SLC35B2: variants seen among roughly 807,000 people sequenced by gnomAD.
SLC35B2 encodes adenosine 3'-phospho 5'-phosphosulfate transporter 1.
In SLC35B2, 19 loss-of-function variants were observed where a neutral mutation model predicts 37.9. The observed-to-expected ratio is 0.50, with a 90% confidence interval of 0.35 to 0.74. The LOEUF is 0.74. Ranked by LOEUF, SLC35B2 falls within the 30% of genes least tolerant of loss-of-function variation. The pLI is 0.01. For synonymous variants in SLC35B2, 277 were observed against 225.2 expected, an observed-to-expected ratio of 1.23 and a Z score of -2.06; for missense variants, 633 against 547.6, an observed-to-expected ratio of 1.16 and a Z score of -1.56.
chr6:44,256,546 A>G, intron 2 of SLC35B2, 50 bp from the exon 3 acceptor site: 1 of 1,613,474 alleles, frequency 6.2e-7, no homozygotes, highest in South Asian at 1.1e-5. Flanking sequence ...ATAGCACTTC[A>G]TCTTCCCCAG....
intron 1 of SLC35B2, chr6:44,257,114 C>G (rs1206277844): frequency 3.5e-6 from 2 of 572,776 alleles, no homozygotes; most frequent in Non-Finnish European, 5.9e-6. Flanking sequence ...CCACACAGGT[C>G]TCCTCTGTTC....
In SLC35B2 at chr6:44,255,402, G is replaced by GT. The variant is rs1561909021; in HGVS notation, c.602dup (p.Tyr201Ter). 15 of 1,614,232 alleles carry GT rather than the reference G, an allele frequency of 9.3e-6. No homozygotes were observed. Among genetic ancestry groups the GT allele is most frequent in the Non-Finnish European group, 1.3e-5 (15 of 1,180,042 alleles). Residue 201 changes from tyrosine (Y) to a stop codon, truncating the protein, a stop_gained and frameshift_variant, in exon 4 of 4, where the codon TAC becomes TAAC. Coordinates refer to ENST00000393812, the MANE Select transcript of SLC35B2 (RefSeq NM_178148.4). LOFTEE classifies it high-confidence loss of function. ...LSNVLSSWCQYEALKFVSFPT... is the reference protein window; with the variant it reads ...LSNVLSSWCQ ...GGAAGCTGACGAACTTAAGAGCTTC[G>GT]TATTGGCACCAGCTGCTAAGCACAT...
At chr6:44,255,757 C>T in intron 3 of SLC35B2, 113 bp from the exon 4 acceptor site, 2 of 1,049,610 alleles carry the variant, frequency 1.9e-6, no homozygotes, top group Non-Finnish European at 2.7e-6. Flanking sequence ...GGAAAATATA[C>T]ACTTTTTGGT....
chr6:44,254,549 T>G lies in SLC35B2; in HGVS notation c.*157A>C, dbSNP rs1716799800. ...GGTGACTTAAGGCAAAAGGGAAGGCTGCCTCCTGGGCTCCCCAATCCCCTG... is the reference window on the plus strand; with the variant it reads ...GGTGACTTAAGGCAAAAGGGAAGGCGGCCTCCTGGGCTCCCCAATCCCCTG... On this transcript the variant is annotated 3_prime_UTR_variant, in exon 4 of 4. Transcript: ENST00000393812. The G allele has an allele frequency of 4.8e-6, 4 of 828,442 alleles. No individual in the cohort carries two copies. In the Admixed American group the frequency reaches 8.5e-5, roughly 18 times the overall value. 51.3% of individuals were successfully genotyped at this position (828,442 alleles called of 1,614,324 possible).
upstream of SLC35B2, chr6:44,257,535 C>G: frequency 1.1e-6 from 1 of 930,332 alleles, no homozygotes; most frequent in Non-Finnish European, 1.4e-6. Flanking sequence ...AAGTGCCGCG[C>G]TCTTCCCGCC....
intron 1 of SLC35B2, 147 bp downstream of exon 1, chr6:44,257,253 G>A: frequency 6.4e-6 from 6 of 930,396 alleles, no homozygotes; most frequent in South Asian, 2.9e-5. Flanking sequence ...AAACCAAGCC[G>A]CAGCTCCCAT....
chr6:44,255,037 G>GC lies in SLC35B2; in HGVS notation c.967dup (p.Ala323GlyfsTer14), dbSNP rs755995982. ...CATGAAGCGGGTTCCCTCCAGTAGG[G>GC]CCCCCTGTTCTAGCAGTGAGCCCAC... On this transcript the variant is annotated frameshift_variant, in exon 4 of 4. Transcript: ENST00000393812. LOFTEE classifies it high-confidence loss of function. The GC allele has an allele frequency of 1.5e-5, 25 of 1,614,078 alleles. No homozygotes were observed. The highest frequency in any genetic ancestry group is 1.1e-5 in the Non-Finnish European group (13 of 1,180,030).
At chr6:44,257,641 C>T (rs1037558754), upstream of SLC35B2, 10 of 202,150 alleles carry the variant, frequency 4.9e-5, no homozygotes, top group Non-Finnish European at 7.5e-5. Flanking sequence ...GAGGCAGACG[C>T]GGCTTGGGTT....
intron 3 of SLC35B2, 83 bp downstream of exon 3, chr6:44,256,259 G>C (rs1781484236): frequency 1.3e-6 from 2 of 1,515,358 alleles, no homozygotes; most frequent in African/African-American, 1.4e-5. Flanking sequence ...GCAAAGCTCT[G>C]GGACTGGTAA....
At position 44,255,450 on chromosome 6, in the gene SLC35B2, C is replaced by T; in HGVS notation, c.555G>A (p.Arg185=). The stretch of plus-strand genomic sequence containing the variant: ...CATTGGACAGGCTGGCAAAGGAGTA[C>T]CGGTACATGGGTGCCCCATGCCGGG... ...KQPRHGAPMY[R]YSFASLSNVL... The change falls in exon 4 of 4, where the codon CGG becomes CGA. Residue 185 remains arginine (R), a synonymous_variant. Coordinates refer to ENST00000393812, the MANE Select transcript of SLC35B2 (RefSeq NM_178148.4). 5 of 1,614,258 alleles carry T rather than the reference C, an allele frequency of 3.1e-6. No homozygotes were observed. In the South Asian group the frequency reaches 4.4e-5, roughly 14 times the overall value.
intron 3 of SLC35B2, 137 bp downstream of exon 3, chr6:44,256,205 G>T: frequency 9.3e-7 from 1 of 1,080,192 alleles, no homozygotes; most frequent in Non-Finnish European, 1.3e-6. Context: ...CAAAGATGGA[G>T]GTGCAGTGTG....
intron 1 of SLC35B2, 124 bp downstream of exon 1, chr6:44,257,276 C>T: frequency 2.7e-6 from 3 of 1,125,918 alleles, no homozygotes; most frequent in Non-Finnish European, 2.3e-6. Context: ...CCGCTGGCTC[C>T]GGGCAGCGAT....
chr6:44,257,336 A>T (rs1781670684), intron 1 of SLC35B2, 64 bp downstream of exon 1: 3 of 1,323,106 alleles, frequency 2.3e-6, no homozygotes, highest in African/African-American at 3.1e-5. Flanking sequence ...CCCCGTGCTG[A>T]GGCGCGGCAG....
rs1781165174 is a variant in SLC35B2 at position 44,254,620 on chromosome 6, C to G, written c.*86G>C. On this transcript the variant is annotated 3_prime_UTR_variant, in exon 4 of 4. Coordinates refer to ENST00000393812, the MANE Select transcript of SLC35B2 (RefSeq NM_178148.4). ...ACTGAGAAAACACCTGCATTTTGCC[C>G]TTTCAGCCAGCTCCCTCAGAGGTTA... 10 of 1,458,936 alleles carry G rather than the reference C, an allele frequency of 6.9e-6. No individual in the cohort carries two copies. The highest frequency in any genetic ancestry group is 8.3e-6 in the Non-Finnish European group (9 of 1,084,302). 90.4% of individuals were successfully genotyped at this position (1,458,936 alleles called of 1,614,324 possible).
chr6:44,254,426 G>T lies in SLC35B2; in HGVS notation c.*280C>A. ...AAGGGAACTTGTGGGAAGAGTAACT[G>T]GAACCTACCTATGCTCTCTTGACCC... On this transcript the variant is annotated 3_prime_UTR_variant, in exon 4 of 4. Coordinates refer to ENST00000393812, the MANE Select transcript of SLC35B2 (RefSeq NM_178148.4). The T allele has an allele frequency of 2.4e-6, 1 of 423,136 alleles. No individual in the cohort carries two copies. The highest frequency in any genetic ancestry group is 4.1e-5 in the Admixed American group (1 of 24,430). 26.2% of individuals were successfully genotyped at this position (423,136 alleles called of 1,614,324 possible). A position where few individuals can be genotyped will look rare whatever the true frequency, so the allele number is the denominator to read the frequency against.
chr6:44,254,769 C>CCG lies in SLC35B2; in HGVS notation c.1234_1235dup (p.Arg414AlafsTer3), dbSNP rs1315507482. 7.4e-6 allele frequency: 12 copies of CCG among 1,614,172 alleles called. No individual in the cohort carries two copies. Among genetic ancestry groups the CCG allele is most frequent in the Non-Finnish European group, 1.0e-5 (12 of 1,180,026 alleles). On this transcript the variant is annotated frameshift_variant, in exon 4 of 4. Coordinates refer to ENST00000393812, the MANE Select transcript of SLC35B2 (RefSeq NM_178148.4). LOFTEE classifies it high-confidence loss of function. ...TCTTTCCCCGTTGCTTTAGACGGCC[C>CCG]CGCGCGTAGACTCTGAGCAGGAGGG...
chr6:44,257,349 A>G (rs1781673205), intron 1 of SLC35B2, 51 bp downstream of exon 1: 2 of 1,316,232 alleles, frequency 1.5e-6, no homozygotes, highest in Admixed American at 3.7e-5. Context: ...CGCGGCAGTC[A>G]CGTGGCCCGG....
chr6:44,255,669 G>C (rs746712997), intron 3 of SLC35B2, 25 bp from the exon 4 acceptor site: 8 of 1,588,438 alleles, frequency 5.0e-6, no homozygotes, highest in Non-Finnish European at 6.9e-6. Context: ...AGAGACAAAG[G>C]AGACAATAAG....
chr6:44,257,167 T>A, intron 1 of SLC35B2: 1 of 497,500 alleles, frequency 2.0e-6, no homozygotes, highest in Non-Finnish European at 3.3e-6. Context: ...GAAGCGCCCC[T>A]TCCCCCACAC....
Sources: gnomAD v4.1 joint callset for allele counts on GRCh38, gnomAD v4.1.1 for gene constraint, MANE v1.5 for transcripts, NCBI Gene and HGNC (gene_info 2026-07-23, HGNC 2026-07-21) for gene names.